The following GXYLT1 variants were observed in gnomAD, a reference collection of about 807,000 sequenced individuals.
The protein encoded by GXYLT1 is glycosyltransferase 8 domain containing 3.
GXYLT1 carries 29 observed loss-of-function variants against 54.0 expected under a neutral mutation model. The observed-to-expected ratio is 0.54, with a 90% CI of 0.40 to 0.73. The LOEUF (loss-of-function observed/expected upper bound fraction) is 0.73. Ranked by LOEUF, GXYLT1 falls within the 30% of genes least tolerant of loss-of-function variation. GXYLT1 has a pLI of 0.00. For missense variants in GXYLT1, 490 were observed against 553.4 expected (o/e 0.89, Z 1.15); for synonymous variants, 176 against 204.1 (o/e 0.86, Z 1.17).
Position 42,106,054 on chromosome 12 carries a change from CTTCT to C in GXYLT1, c.624_627del (p.Glu209LeufsTer24), listed in dbSNP as rs1293808809. The C allele has an allele frequency of 6.2e-7, 1 of 1,605,492 alleles. No homozygotes were observed. The highest frequency in any genetic ancestry group is 8.5e-7 in the Non-Finnish European group (1 of 1,172,822). On this transcript the variant is annotated frameshift_variant, in exon 5 of 8. Coordinates refer to ENST00000398675, the MANE Select transcript of GXYLT1 (RefSeq NM_173601.2). LOFTEE classifies it high-confidence loss of function. ...GTGTCGACATACAATAGTGAGTCAA[CTTCT>C]TTCAGGATTAACTACAAGGAGAGAT...
chr12:42,130,192 A>C (rs2065586370), intron 1 of GXYLT1, among the ~76,000 whole-genome samples: 1 of 152,210 alleles, frequency 6.6e-6, no homozygotes. Context: ...CCCTAGAACA[A>C]AATCCCTTTG....
intron 1 of GXYLT1, among the ~76,000 whole-genome samples, chr12:42,139,108 A>C (rs1204490102): frequency 6.6e-6 from 1 of 151,700 alleles, no homozygotes; most frequent in Non-Finnish European, 1.5e-5. Context: ...AGGTGGGAGG[A>C]TCACTTGAGC....
Position 42,087,959 on chromosome 12 carries a change from A to G in GXYLT1, c.1162-12T>C. The G allele has an allele frequency of 3.5e-6, 5 of 1,410,390 alleles. No homozygotes were observed. Among genetic ancestry groups the G allele is most frequent in the Non-Finnish European group, 4.8e-6 (5 of 1,043,194 alleles). 87.4% of individuals were successfully genotyped at this position (1,410,390 alleles called of 1,614,324 possible). The stretch of plus-strand genomic sequence containing the variant: ...TCTTCAAAAGAACACTAGAGAAAGA[A>G]AATTTTAAAAAATAAAAAATTTAAA... On this transcript the variant is annotated splice_polypyrimidine_tract_variant and intron_variant, in intron 7 of 7. Transcript: ENST00000398675.
chr12:42,138,038 C>T (rs1183382252), intron 1 of GXYLT1, among the ~76,000 whole-genome samples: 2 of 152,250 alleles, frequency 1.3e-5, no homozygotes, highest in East Asian at 1.9e-4. Context: ...GAGTCTGAGG[C>T]AGGCAGATCA....
chr12:42,122,879 T>C (rs956344188), intron 2 of GXYLT1, among the ~76,000 whole-genome samples: 3 of 152,244 alleles, frequency 2.0e-5, no homozygotes, highest in African/African-American at 4.8e-5. Flanking sequence ...AACCATGTGA[T>C]CAAACTTAAT....
rs1254563233 is a variant in GXYLT1, at chr12:42,084,554, C to T, written c.*3232G>A. The T allele has an allele frequency of 6.6e-6, 1 of 152,358 alleles. No homozygotes were observed. The allele number at this position is 152,358 out of a possible 1,614,324, so 9.4% of individuals were successfully genotyped here. ...ATCCATTATCTCTTCTGAGTTTCAT[C>T]TTGTGAGGTTTGAAGGGTACACTGA... On this transcript the variant is annotated 3_prime_UTR_variant, in exon 8 of 8. Transcript: ENST00000398675.
chr12:42,100,788 C>T (rs1160199083), intron 5 of GXYLT1, among the ~76,000 whole-genome samples: 1 of 151,994 alleles, frequency 6.6e-6, no homozygotes, highest in African/African-American at 2.4e-5. Context: ...ATATCAATTA[C>T]ACAAGGACAA....
intron 1 of GXYLT1, 75 bp downstream of exon 1, chr12:42,144,351 G>A: frequency 1.0e-6 from 1 of 972,006 alleles, no homozygotes; most frequent in South Asian, 2.1e-5. Flanking sequence ...CCACCGGCGA[G>A]CAGCCCGGGC....
Position 42,144,509 on chromosome 12 carries a change from A to T in GXYLT1, c.138T>A (p.Ala46=). 1 of 1,413,526 alleles carries T rather than the reference A, an allele frequency of 7.1e-7. No individual in the cohort carries two copies. The highest frequency in any genetic ancestry group is 9.3e-7 in the Non-Finnish European group (1 of 1,080,932). 87.6% of individuals were successfully genotyped at this position (1,413,526 alleles called of 1,614,324 possible). The change falls in exon 1 of 8, where the codon GCT becomes GCA. Residue 46 remains alanine (A), a synonymous_variant. Transcript: ENST00000398675. ...GGGGKPQAAV[A]SWLAGGGRGA... ...CGCGTCCGCCGCCCGCGAGCCAGGA[A>T]GCCACCGCGGCCTGCGGCTTCCCGC...
chr12:42,143,580 A>G (rs2065663259), intron 1 of GXYLT1, among the ~76,000 whole-genome samples: 1 of 152,254 alleles, frequency 6.6e-6, no homozygotes, highest in Non-Finnish European at 1.5e-5. Context: ...GGAGCACTTC[A>G]GGTCATTCCC....
chr12:42,090,903 A>T (rs535870552), intron 7 of GXYLT1, among the ~76,000 whole-genome samples: 12 of 152,360 alleles, frequency 7.9e-5, no homozygotes, highest in African/African-American at 2.9e-4. Context: ...TGTAATTTTT[A>T]AACATTTTTA....
At chr12:42,136,752 A>ATACATACATACG (rs1453146932) in intron 1 of GXYLT1, among the ~76,000 whole-genome samples, 26 of 1,056 alleles carry the variant, frequency 0.025, no homozygotes, top group African/African-American at 0.058. Flanking sequence ...GAGGTTTTTT[A>ATACATACATACG]TACATACATA....
At chr12:42,128,063 G>T (rs1171037211) in intron 2 of GXYLT1, among the ~76,000 whole-genome samples, 1 of 152,198 alleles carries the variant, frequency 6.6e-6, no homozygotes, top group Non-Finnish European at 1.5e-5. Context: ...TTCTTACAGA[G>T]AGGAGAATGG....
intron 1 of GXYLT1, among the ~76,000 whole-genome samples, chr12:42,134,627 C>A (rs1257880439): frequency 2.0e-5 from 3 of 152,224 alleles, no homozygotes; most frequent in Non-Finnish European, 2.9e-5. Flanking sequence ...CCTACTCAGA[C>A]TACATCATAT....
At position 42,111,702 on chromosome 12, in the gene GXYLT1, T is replaced by G. The variant is rs140544690; in HGVS notation, c.487-2011A>C. Reference sequence around the variant, plus strand: ...CCTGCCTGCCTCTGTAGGCTCCACCTCTGGGGGCAGGGCACGGACAAACAA... The same window carrying G: ...CCTGCCTGCCTCTGTAGGCTCCACCGCTGGGGGCAGGGCACGGACAAACAA... On this transcript the variant is annotated intron_variant, in intron 3 of 7. Transcript: ENST00000398675. 9.4e-3 allele frequency among the ~76,000 whole-genome samples: 1,435 copies of G among 152,314 alleles called. 26 individuals carry two copies. Among genetic ancestry groups the G allele is most frequent in the African/African-American group, 0.033 (1,381 of 41,578 alleles).
chr12:42,097,831 G>T, intron 6 of GXYLT1, 79 bp downstream of exon 6: 4 of 1,134,300 alleles, frequency 3.5e-6, no homozygotes, highest in South Asian at 2.9e-5. Flanking sequence ...GACAGAATCA[G>T]ATAAGTGCAT....
intron 3 of GXYLT1, among the ~76,000 whole-genome samples, chr12:42,112,351 A>T (rs2065463202): frequency 1.3e-5 from 2 of 152,230 alleles, no homozygotes; most frequent in African/African-American, 4.8e-5. Context: ...TCCAAGCTAC[A>T]GGAGGAAATT....
chr12:42,134,653 G>A (rs893804133), intron 1 of GXYLT1, among the ~76,000 whole-genome samples: 7 of 152,092 alleles, frequency 4.6e-5, no homozygotes, highest in Non-Finnish European at 8.8e-5. Flanking sequence ...ATCCATTCAT[G>A]TTCCTATACC....
intron 1 of GXYLT1, among the ~76,000 whole-genome samples, chr12:42,141,795 C>G (rs1411530887): frequency 1.3e-5 from 2 of 152,180 alleles, no homozygotes; most frequent in African/African-American, 4.8e-5. Flanking sequence ...ATACTGAGAA[C>G]ACGGGTTTAT....
Sources: allele counts gnomAD v4.1 joint callset (sites outside exome capture counted in the v4.1 genomes callset), GRCh38; gene constraint gnomAD v4.1.1; transcripts MANE v1.5; gene names NCBI Gene and HGNC (gene_info 2026-07-23, HGNC 2026-07-21).